ADGRD1: variants seen among roughly 807,000 people sequenced by gnomAD.
The protein encoded by ADGRD1 is adhesion G protein-coupled receptor D1.
A neutral mutation model predicts 113.4 loss-of-function variants in ADGRD1; 77 were observed. That is an observed-to-expected ratio of 0.68 (90% CI 0.57 to 0.82). The LOEUF (loss-of-function observed/expected upper bound fraction) is 0.82, where lower values mean the gene tolerates loss of function less well. Ranked by LOEUF, ADGRD1 falls within the 40% of genes least tolerant of loss-of-function variation. ADGRD1 has a pLI of 0.00. For missense variants in ADGRD1, 1,036 were observed against 1,139.1 expected, an observed-to-expected ratio of 0.91 and a Z score of 1.30; for synonymous variants, 474 against 475.0, an observed-to-expected ratio of 1.00 and a Z score of 0.03.
chr12:130,983,042 C>T (rs1294077396), intron 5 of ADGRD1, among the ~76,000 whole-genome samples: 1 of 152,272 alleles, frequency 6.6e-6, no homozygotes, highest in Non-Finnish European at 1.5e-5. Context: ...TATTAAAAAG[C>T]GTGAACTCTG....
intron 13 of ADGRD1, among the ~76,000 whole-genome samples, chr12:131,014,675 A>C (rs545383673): frequency 6.6e-6 from 1 of 152,328 alleles, no homozygotes; most frequent in Admixed American, 6.5e-5. Flanking sequence ...CATCCCAGTT[A>C]CCATGTGTGT....
intron 15 of ADGRD1, among the ~76,000 whole-genome samples, chr12:131,098,936 C>G (rs1400391232): frequency 1.3e-5 from 2 of 152,226 alleles, no homozygotes; most frequent in African/African-American, 2.4e-5. Flanking sequence ...GGTGGGCAGT[C>G]ATTTACTGCG....
rs1878280413 is a variant in ADGRD1 at position 131,014,215 on chromosome 12, C to T, written c.1348C>T (p.His450Tyr). The change falls in exon 13 of 25, where the codon CAT becomes TAT. Residue 450 changes from histidine (H) to tyrosine (Y), a missense_variant. Physicochemically the swap from His to Tyr is moderately conservative, Grantham distance 83 (BLOSUM62 2). Coordinates refer to ENST00000261654, the MANE Select transcript of ADGRD1 (RefSeq NM_198827.5). ...CTTCCCAAGGATCGCGGAGGCCATG[C>T]ATCACCAGGACTGCCTGCTGTTCGC... The part of the protein sequence containing the change: ...PAHTKIAEAM[H>Y]HQDCLLFATS... 1 of 1,613,898 alleles carries T rather than the reference C, an allele frequency of 6.2e-7. No homozygotes were observed. Among genetic ancestry groups the T allele is most frequent in the African/African-American group, 1.3e-5 (1 of 74,928 alleles).
intron 13 of ADGRD1, among the ~76,000 whole-genome samples, chr12:131,044,370 A>T (rs536394919): frequency 6.6e-6 from 1 of 152,134 alleles, no homozygotes; most frequent in African/African-American, 2.4e-5. Flanking sequence ...GCTCCCAGGA[A>T]CCCGTCCACC....
chr12:130,980,426 C>T (rs1872823921), intron 4 of ADGRD1, among the ~76,000 whole-genome samples: 1 of 144,296 alleles, frequency 6.9e-6, no homozygotes, highest in Non-Finnish European at 1.5e-5. Context: ...GAGACAGAGT[C>T]TTGCTCTGTT....
chr12:131,126,768 C>T (rs987434442), intron 20 of ADGRD1, among the ~76,000 whole-genome samples: 19 of 152,158 alleles, frequency 1.2e-4, no homozygotes, highest in Admixed American at 6.5e-5. Context: ...TCTTTGACAT[C>T]TGCCTTTAGT....
intron 15 of ADGRD1, among the ~76,000 whole-genome samples, chr12:131,098,937 ATTTACTGCGGCT>A (rs1950005548): frequency 6.6e-6 from 1 of 152,140 alleles, no homozygotes; most frequent in Non-Finnish European, 1.5e-5. Context: ...GTGGGCAGTC[ATTTACTGCGGCT>A]GCCTCAGTGT....
At chr12:131,125,689 T>G (rs556897858) in intron 20 of ADGRD1, among the ~76,000 whole-genome samples, 2 of 152,340 alleles carry the variant, frequency 1.3e-5, no homozygotes, top group South Asian at 4.1e-4. Flanking sequence ...CAGATGCTCC[T>G]GAACTTACAA....
chr12:131,019,511 C>A (rs1879050726), intron 13 of ADGRD1, among the ~76,000 whole-genome samples: 2 of 152,194 alleles, frequency 1.3e-5, no homozygotes, highest in Non-Finnish European at 2.9e-5. Flanking sequence ...TTTCCCAGGT[C>A]AATGAAGATG....
At chr12:130,979,088 G>C (rs559038601) in intron 4 of ADGRD1, among the ~76,000 whole-genome samples, 1 of 151,650 alleles carries the variant, frequency 6.6e-6, no homozygotes, top group Admixed American at 6.6e-5. Flanking sequence ...TGCCAGCCAG[G>C]TCTGGGGACA....
intron 13 of ADGRD1, among the ~76,000 whole-genome samples, chr12:131,035,639 G>GC (rs1881292254): frequency 6.6e-6 from 1 of 152,202 alleles, no homozygotes; most frequent in Non-Finnish European, 1.5e-5. Flanking sequence ...GTTAGCAGCT[G>GC]CCCCCACACA....
chr12:130,986,020 A>G (rs895772518), intron 5 of ADGRD1, among the ~76,000 whole-genome samples: 1 of 77,788 alleles, frequency 1.3e-5, no homozygotes, highest in African/African-American at 2.8e-5. Flanking sequence ...CCACAGATCT[A>G]TTCATCTGTT....
intron 14 of ADGRD1, among the ~76,000 whole-genome samples, chr12:131,082,867 A>G (rs1211415352): frequency 1.3e-5 from 2 of 152,246 alleles, no homozygotes; most frequent in African/African-American, 4.8e-5. Flanking sequence ...AGAGCAGATC[A>G]TTAATCATGA....
rs943995259 is a variant in ADGRD1 at position 131,016,645 on chromosome 12, C to T, written c.1473+2305C>T. Among the ~76,000 whole-genome samples the T allele has an allele frequency of 2.6e-5, 4 of 152,256 alleles. 1 individual carries two copies. The East Asian group carries it at 7.7e-4, about 29-fold the overall frequency. Reference sequence around the variant, plus strand: ...GCAGTGGCTCAGCCTGTAATCCCAGCACTTCGGGAGGCCAAGGTGGGCGGA... The same window carrying T: ...GCAGTGGCTCAGCCTGTAATCCCAGTACTTCGGGAGGCCAAGGTGGGCGGA... On this transcript the variant is annotated intron_variant, in intron 13 of 24. Coordinates refer to ENST00000261654, the MANE Select transcript of ADGRD1 (RefSeq NM_198827.5).
chr12:131,132,201 C>T (rs565446973), intron 21 of ADGRD1, among the ~76,000 whole-genome samples: 31 of 152,324 alleles, frequency 2.0e-4, no homozygotes, highest in African/African-American at 5.8e-4. Flanking sequence ...CCCTCAGCAC[C>T]TCGCCTTCCT....
intron 20 of ADGRD1, among the ~76,000 whole-genome samples, chr12:131,123,850 G>C (rs1419132878): frequency 6.6e-6 from 1 of 151,860 alleles, no homozygotes; most frequent in Non-Finnish European, 1.5e-5. Flanking sequence ...AAGGTTCCAG[G>C]TTCAAGTGCA....
chr12:130,999,726 A>G (rs544965022), intron 8 of ADGRD1, among the ~76,000 whole-genome samples: 1 of 152,320 alleles, frequency 6.6e-6, no homozygotes, highest in South Asian at 2.1e-4. Flanking sequence ...ACATCCACTA[A>G]GCCGGTGCCG....
chr12:131,049,494 A>G (rs1334427168), intron 13 of ADGRD1, among the ~76,000 whole-genome samples: 2 of 152,198 alleles, frequency 1.3e-5, no homozygotes, highest in Non-Finnish European at 1.5e-5. Flanking sequence ...AGTGTTGACT[A>G]TGTCACTTCC....
At chr12:131,069,923 C>T (rs1397339245) in intron 13 of ADGRD1, 1 of 152,154 alleles carries the variant, frequency 6.6e-6, no homozygotes, top group African/African-American at 2.4e-5. Flanking sequence ...GAATACAGGT[C>T]GCCTTGTTGC....
Sources: gnomAD v4.1 joint callset for allele counts (sites outside exome capture counted in the v4.1 genomes callset) on GRCh38, gnomAD v4.1.1 for gene constraint, MANE v1.5 for transcripts, NCBI Gene and HGNC (gene_info 2026-07-23, HGNC 2026-07-21) for gene names.